The following ITPKB variants were observed in gnomAD, a reference collection of about 807,000 sequenced individuals.
The protein encoded by ITPKB is IP3 3-kinase B.
In ITPKB, 13 loss-of-function variants were observed where a neutral mutation model predicts 69.4. That is an observed-to-expected ratio of 0.19 (90% CI 0.12 to 0.30). The LOEUF (loss-of-function observed/expected upper bound fraction) is 0.30, where lower values mean the gene tolerates loss of function less well. Among genes scored for constraint, ITPKB ranks in the 10% least tolerant of loss-of-function variants. ITPKB has a pLI of 1.00. For synonymous variants in ITPKB, 584 were observed against 513.7 expected (o/e 1.14, Z -1.85); for missense variants, 1,240 against 1,250.5 (o/e 0.99, Z 0.13).
At chr1:226,714,636 T>C (rs748739296) in intron 2 of ITPKB, among the ~76,000 whole-genome samples, 13 of 152,240 alleles carry the variant, frequency 8.5e-5, no homozygotes, top group Non-Finnish European at 1.9e-4. Flanking sequence ...ATAGTCTTCC[T>C]TTTTCTCTGA....
intron 4 of ITPKB, among the ~76,000 whole-genome samples, chr1:226,645,117 T>C (rs1669037127): frequency 6.6e-6 from 1 of 152,188 alleles, no homozygotes; most frequent in Non-Finnish European, 1.5e-5. Flanking sequence ...CACTGGAACA[T>C]GACCCATCTC....
intron 2 of ITPKB, among the ~76,000 whole-genome samples, chr1:226,733,137 T>C (rs1031728260): frequency 9.2e-5 from 14 of 152,104 alleles, no homozygotes; most frequent in African/African-American, 3.1e-4. Flanking sequence ...TGTGTGAGCA[T>C]AGGAGGGTAA....
rs1026258036 is a variant in ITPKB, at chr1:226,737,276, G to A, written c.183C>T (p.Ala61=). 1.3e-6 allele frequency: 2 copies of A among 1,555,434 alleles called. No homozygotes were observed. The highest frequency in any genetic ancestry group is 1.7e-6 in the Non-Finnish European group (2 of 1,157,936). ...GGGGCTCCTCGGGGGACAGCGACTC[G>A]GCTGGGGGGAAGAGGAAAGAGGCGC... is the stretch of plus-strand genomic sequence containing the variant. ...GRGASFLFPP[A]ESLSPEEPRS... is the part of the protein sequence containing the mutation. The change falls in exon 2 of 8, where the codon GCC becomes GCT. Residue 61 remains alanine, a synonymous_variant. Coordinates refer to ENST00000429204, the MANE Select transcript of ITPKB (RefSeq NM_002221.4).
intron 2 of ITPKB, among the ~76,000 whole-genome samples, chr1:226,671,398 T>A (rs1336116187): frequency 6.6e-6 from 1 of 152,166 alleles, no homozygotes; most frequent in Non-Finnish European, 1.5e-5. Context: ...TGATGCCAAG[T>A]AAAAGAACCC....
rs1668737670 is a variant in ITPKB, at chr1:226,631,902, T to TG, written c.*2768dup. The TG allele has an allele frequency of 1.3e-5, 2 of 151,942 alleles. No homozygotes were observed. The highest frequency in any genetic ancestry group is 2.9e-5 in the Non-Finnish European group (2 of 67,996). The allele number at this position is 151,942 out of a possible 1,614,324, so 9.4% of individuals were successfully genotyped here. On this transcript the variant is annotated 3_prime_UTR_variant, in exon 8 of 8. Coordinates refer to ENST00000429204, the MANE Select transcript of ITPKB (RefSeq NM_002221.4). ...AGCCAGGGGCTGGGTTATATACACATGGGGTGGACAGATGCAGAGAAACTC... is the reference window on the plus strand; with the variant it reads ...AGCCAGGGGCTGGGTTATATACACATGGGGGTGGACAGATGCAGAGAAACTC...
intron 2 of ITPKB, among the ~76,000 whole-genome samples, chr1:226,715,960 G>A (rs1410998741): frequency 5.3e-5 from 8 of 152,170 alleles, no homozygotes; most frequent in African/African-American, 1.7e-4. Flanking sequence ...ACAGGTGCCC[G>A]TCATAATGCC....
At position 226,639,669 on chromosome 1, in the gene ITPKB, G is replaced by A; in HGVS notation, c.2452-11C>T. ...GGTGCCGTCTTCTTTCTGAGAAAGA[G>A]AACACCCCACCCAGGAGGGGGTCAG... On this transcript the variant is annotated splice_polypyrimidine_tract_variant and intron_variant, in intron 5 of 7. Transcript: ENST00000429204. 1 of 1,587,194 alleles carries A rather than the reference G, an allele frequency of 6.3e-7. No homozygotes were observed. The highest frequency in any genetic ancestry group is 8.7e-7 in the Non-Finnish European group (1 of 1,155,432).
At chr1:226,717,320 C>T (rs1419357889) in intron 2 of ITPKB, among the ~76,000 whole-genome samples, 1 of 152,232 alleles carries the variant, frequency 6.6e-6, no homozygotes, top group Non-Finnish European at 1.5e-5. Context: ...CCTTCCATCT[C>T]TGTGGTTATG....
chr1:226,674,802 T>G (rs549464457), intron 2 of ITPKB: 4 of 152,404 alleles, frequency 2.6e-5, no homozygotes, highest in African/African-American at 7.2e-5. Context: ...CAAGTCCTGC[T>G]CTGCTCCCAT....
At chr1:226,657,994 C>T (rs528184654) in intron 2 of ITPKB, among the ~76,000 whole-genome samples, 1 of 152,242 alleles carries the variant, frequency 6.6e-6, no homozygotes, top group Non-Finnish European at 1.5e-5. Flanking sequence ...CTGACACACG[C>T]TCGGGGAAGG....
chr1:226,644,447 G>A (rs577299771), intron 4 of ITPKB, among the ~76,000 whole-genome samples: 23 of 152,326 alleles, frequency 1.5e-4, no homozygotes, highest in African/African-American at 4.6e-4. Flanking sequence ...GGTGGCAGGC[G>A]AAAGCCACCC....
At chr1:226,678,969 C>A (rs1223025416) in intron 2 of ITPKB, among the ~76,000 whole-genome samples, 1 of 152,200 alleles carries the variant, frequency 6.6e-6, no homozygotes, top group African/African-American at 2.4e-5. Context: ...GAGGAAGAGA[C>A]CACATGGTTG....
chr1:226,640,420 G>T (rs3729551), intron 5 of ITPKB, among the ~76,000 whole-genome samples: 4 of 152,076 alleles, frequency 2.6e-5, no homozygotes, highest in Admixed American at 6.5e-5. Context: ...GCCTTCGACA[G>T]GACTGGCAGG....
At chr1:226,677,891 A>C (rs563601649) in intron 2 of ITPKB, among the ~76,000 whole-genome samples, 2 of 152,334 alleles carry the variant, frequency 1.3e-5, no homozygotes, top group East Asian at 3.9e-4. Context: ...ATGCTGATTG[A>C]GAGGGACAGG....
intron 2 of ITPKB, among the ~76,000 whole-genome samples, chr1:226,653,656 G>A (rs950154835): frequency 3.9e-5 from 6 of 152,242 alleles, no homozygotes; most frequent in Admixed American, 6.5e-5. Flanking sequence ...AGGACACTTC[G>A]GTGGAAAGGA....
chr1:226,657,690 G>T (rs1669322512), intron 2 of ITPKB, among the ~76,000 whole-genome samples: 1 of 152,176 alleles, frequency 6.6e-6, no homozygotes. Context: ...CACTGATATT[G>T]TTGTCTCCAT....
At chr1:226,707,910 A>C (rs1344645543) in intron 2 of ITPKB, 2 of 1,334,194 alleles carry the variant, frequency 1.5e-6, no homozygotes, top group Non-Finnish European at 2.0e-6. Flanking sequence ...ACTTCCCAAG[A>C]AGTCACTAAA....
Position 226,674,032 on chromosome 1 carries a change from C to CT in ITPKB, c.1933-25262_1933-25261insA, listed in dbSNP as rs570575498. On this transcript the variant is annotated intron_variant, in intron 2 of 7. Transcript: ENST00000429204. ...ATCCTCAAACTGCTCCATTTCCCCC[C>CT]GATCTCAGTTGCCACCCCACTAACT... Among the ~76,000 whole-genome samples, 256 of 152,236 alleles carry CT rather than the reference C, an allele frequency of 1.7e-3. 2 individuals carry two copies. The highest frequency in any genetic ancestry group is 6.0e-3 in the African/African-American group (249 of 41,542).
At chr1:226,696,576 C>A (rs913041038) in intron 2 of ITPKB, among the ~76,000 whole-genome samples, 30 of 152,138 alleles carry the variant, frequency 2.0e-4, no homozygotes, top group African/African-American at 6.8e-4. Context: ...TAATTACTAG[C>A]TTGGAGCATT....
Sources: gnomAD v4.1 joint callset for allele counts (sites outside exome capture counted in the v4.1 genomes callset) on GRCh38, gnomAD v4.1.1 for gene constraint, MANE v1.5 for transcripts, NCBI Gene and HGNC (gene_info 2026-07-23, HGNC 2026-07-21) for gene names.